The following SYT1 variants were observed in gnomAD, a reference collection of about 807,000 sequenced individuals.
SYT1 encodes the protein synaptotagmin-1.
SYT1 carries 8 observed loss-of-function variants against 44.8 expected under a neutral mutation model. That is an observed-to-expected ratio of 0.18 (90% CI 0.10 to 0.32). The LOEUF is 0.32. Ranked by LOEUF, SYT1 falls within the 10% of genes least tolerant of loss-of-function variation. The pLI, the probability that SYT1 is intolerant of heterozygous loss-of-function variation, is 1.00. For missense variants in SYT1, 286 were observed against 509.3 expected (o/e 0.56, Z 4.22); for synonymous variants, 154 against 188.8 (o/e 0.82, Z 1.51).
At chr12:79,152,537 T>C (rs1870338620) in intron 3 of SYT1, among the ~76,000 whole-genome samples, 1 of 152,144 alleles carries the variant, frequency 6.6e-6, no homozygotes, top group South Asian at 2.1e-4. Context: ...GAATTATCTG[T>C]TATATGAGGA....
intron 3 of SYT1, among the ~76,000 whole-genome samples, chr12:79,078,116 AG>A (rs1323680476): frequency 7.9e-5 from 12 of 152,164 alleles, no homozygotes; most frequent in African/African-American, 2.9e-4. Flanking sequence ...TATAAAATTA[AG>A]GTTGCCTTTT....
intron 3 of SYT1, among the ~76,000 whole-genome samples, chr12:79,201,393 A>C (rs1405087549): frequency 6.6e-6 from 1 of 152,204 alleles, no homozygotes; most frequent in Non-Finnish European, 1.5e-5. Flanking sequence ...CTTCATCAAG[A>C]AATTGACAAA....
At chr12:78,877,891 G>T (rs755878716) in intron 1 of SYT1, among the ~76,000 whole-genome samples, 2 of 151,662 alleles carry the variant, frequency 1.3e-5, no homozygotes, top group African/African-American at 2.4e-5. Flanking sequence ...AGCTTCTCAA[G>T]GTACTAGGAT....
At chr12:79,093,602 T>A (rs1180598566) in intron 3 of SYT1, among the ~76,000 whole-genome samples, 1 of 151,666 alleles carries the variant, frequency 6.6e-6, no homozygotes, top group Non-Finnish European at 1.5e-5. Context: ...CAGTTTAACC[T>A]TACAATATTT....
chr12:79,214,935 GTGTATA>G (rs565841382), intron 3 of SYT1, among the ~76,000 whole-genome samples: 130 of 96,964 alleles, frequency 1.3e-3, no homozygotes, highest in African/African-American at 6.4e-3. Context: ...GTAATAATGT[GTGTATA>G]TGTGTGTGTG....
At chr12:78,933,192 G>T (rs1035534199) in intron 1 of SYT1, among the ~76,000 whole-genome samples, 1 of 152,102 alleles carries the variant, frequency 6.6e-6, no homozygotes, top group African/African-American at 2.4e-5. Flanking sequence ...TACCATGTTG[G>T]TCTGCATATG....
At chr12:78,950,150 T>A (rs962568811) in intron 1 of SYT1, among the ~76,000 whole-genome samples, 1 of 152,080 alleles carries the variant, frequency 6.6e-6, no homozygotes, top group Non-Finnish European at 1.5e-5. Context: ...TGCATGAATA[T>A]GTATTTTTGC....
chr12:79,238,556 T>C (rs1255551091), intron 4 of SYT1, among the ~76,000 whole-genome samples: 1 of 152,176 alleles, frequency 6.6e-6, no homozygotes, highest in Non-Finnish European at 1.5e-5. Flanking sequence ...AACTGTTCTC[T>C]TCCATAAGAG....
intron 3 of SYT1, among the ~76,000 whole-genome samples, chr12:79,095,810 C>G (rs1878089503): frequency 6.6e-6 from 1 of 151,918 alleles, no homozygotes; most frequent in South Asian, 2.1e-4. Flanking sequence ...AACTTTCCTC[C>G]CTCTTCCTTC....
chr12:78,961,725 G>C (rs955081497), intron 1 of SYT1, among the ~76,000 whole-genome samples: 7 of 152,136 alleles, frequency 4.6e-5, no homozygotes, highest in Non-Finnish European at 1.0e-4. Context: ...TCTTAGTACA[G>C]ATAAAATGAC....
intron 2 of SYT1, among the ~76,000 whole-genome samples, chr12:79,007,082 T>G (rs77411938): frequency 6.6e-6 from 1 of 152,066 alleles, no homozygotes; most frequent in Non-Finnish European, 1.5e-5. Context: ...TTGTTGGCCA[T>G]TTTTCAGCAA....
At chr12:78,865,571 G>A (rs1005700954) in intron 1 of SYT1, among the ~76,000 whole-genome samples, 12 of 152,028 alleles carry the variant, frequency 7.9e-5, no homozygotes, top group Non-Finnish European at 1.5e-4. Context: ...ATATGGGGGG[G>A]GGGGGGAACG....
intron 1 of SYT1, among the ~76,000 whole-genome samples, chr12:78,933,633 A>AG (rs78646549): frequency 0.091 from 13,826 of 152,172 alleles, 721 homozygotes; most frequent in East Asian, 0.18. Flanking sequence ...CATTTAAAAG[A>AG]TAGAGATATA....
chr12:79,100,488 A>AAGG (rs1392335135), intron 3 of SYT1, among the ~76,000 whole-genome samples: 1 of 152,138 alleles, frequency 6.6e-6, no homozygotes, highest in Non-Finnish European at 1.5e-5. Flanking sequence ...AAAAGAAGGA[A>AAGG]AGGAGGAGGA....
intron 2 of SYT1, among the ~76,000 whole-genome samples, chr12:79,029,371 A>T (rs1872708973): frequency 1.3e-5 from 2 of 151,048 alleles, no homozygotes; most frequent in African/African-American, 4.8e-5. Context: ...AAAAAAAAAA[A>T]AAATAGGTAA....
chr12:78,943,932 T>C (rs936994180), intron 1 of SYT1, among the ~76,000 whole-genome samples: 3 of 152,232 alleles, frequency 2.0e-5, no homozygotes, highest in African/African-American at 7.2e-5. Flanking sequence ...AAGTCAGAAG[T>C]TACAACTTCT....
chr12:79,118,843 A>G (rs996618113), intron 3 of SYT1, among the ~76,000 whole-genome samples: 3 of 152,164 alleles, frequency 2.0e-5, no homozygotes, highest in Non-Finnish European at 4.4e-5. Flanking sequence ...CTTGGTTTCA[A>G]TTGCTACTTA....
chr12:79,144,453 G>A (rs531425363), intron 3 of SYT1, among the ~76,000 whole-genome samples: 1 of 152,176 alleles, frequency 6.6e-6, no homozygotes, highest in Admixed American at 6.5e-5. Flanking sequence ...GCCCACATTG[G>A]GATAAGGGAA....
chr12:78,904,198 A>G (rs924383853), intron 1 of SYT1, among the ~76,000 whole-genome samples: 1 of 152,130 alleles, frequency 6.6e-6, no homozygotes, highest in Admixed American at 6.6e-5. Context: ...TTGAATTTAT[A>G]TTTTTATAGA....
Sources: allele counts gnomAD v4.1 joint callset (sites outside exome capture counted in the v4.1 genomes callset), GRCh38; gene constraint gnomAD v4.1.1; transcripts MANE v1.5; gene names NCBI Gene and HGNC (gene_info 2026-07-23, HGNC 2026-07-21).